NRP1: variants seen among roughly 807,000 people sequenced by gnomAD.
NRP1 encodes the protein neuropilin-1.
NRP1 carries 35 observed loss-of-function variants against 106.7 expected under a neutral mutation model. The observed-to-expected ratio is 0.33, with a 90% confidence interval of 0.25 to 0.43. The LOEUF (loss-of-function observed/expected upper bound fraction) is 0.43. Among genes scored for constraint, NRP1 ranks in the 20% least tolerant of loss-of-function variants. The pLI is 1.00. For missense variants in NRP1, 1,024 were observed against 1,170.4 expected, an observed-to-expected ratio of 0.87 and a Z score of 1.83; for synonymous variants, 437 against 417.9, an observed-to-expected ratio of 1.05 and a Z score of -0.56.
At chr10:33,197,743 GA>G (rs2132661726) in intron 11 of NRP1, 34 bp from the exon 12 acceptor site, 1 of 1,325,216 alleles carries the variant, frequency 7.5e-7, no homozygotes, top group South Asian at 1.3e-5. Flanking sequence ...GCAAAAATAA[GA>G]AAACAGTAGC....
At chr10:33,288,501 A>T (rs551389223) in intron 2 of NRP1, 1 of 152,318 alleles carries the variant, frequency 6.6e-6, no homozygotes, top group South Asian at 2.1e-4. Flanking sequence ...TGGACATCTC[A>T]TCAGCACAGT....
At chr10:33,318,092 A>G (rs543932199) in intron 2 of NRP1, among the ~76,000 whole-genome samples, 2 of 152,160 alleles carry the variant, frequency 1.3e-5, no homozygotes, top group African/African-American at 4.8e-5. Context: ...ACTTCCATCT[A>G]CATTAGCTCA....
chr10:33,215,999 A>G (rs572826099), intron 8 of NRP1, among the ~76,000 whole-genome samples: 10 of 152,178 alleles, frequency 6.6e-5, no homozygotes, highest in Admixed American at 5.9e-4. Flanking sequence ...CTTTTCCATT[A>G]TCTGAACTGC....
chr10:33,247,813 G>A (rs1458504128), intron 6 of NRP1, among the ~76,000 whole-genome samples: 1 of 152,140 alleles, frequency 6.6e-6, no homozygotes, highest in Admixed American at 6.6e-5. Context: ...CTGAGTCTGA[G>A]GAAGGATATC....
In NRP1 at chr10:33,330,762, T is replaced by C. The variant is rs371886197; in HGVS notation, c.194A>G (p.Gln65Arg). 8.0e-5 allele frequency: 129 copies of C among 1,613,756 alleles called. No individual in the cohort carries two copies. The highest frequency in any genetic ancestry group is 1.0e-4 in the Non-Finnish European group (122 of 1,179,864). Reference protein sequence around the residue: ...EWLIQAPDPYQRIMINFNPHF... With the variant: ...EWLIQAPDPYRRIMINFNPHF... The stretch of plus-strand genomic sequence containing the variant: ...AGGGTTGAAGTTGATCATAATTCTC[T>C]GGTATGGGTCCGGAGCCTGAATCAG... The change falls in exon 2 of 17, where the codon CAG becomes CGG. Residue 65 changes from glutamine to arginine, a missense_variant. Around this residue, in one of 5 missense-constraint regions of NRP1, gnomAD observed 279 missense variants for 327.4 expected, o/e 0.85. Transcript: ENST00000374867.
In NRP1 at chr10:33,330,781, G is replaced by C. The variant is rs779741661; in HGVS notation, c.175C>G (p.Gln59Glu). ...HPSEKCEWLI[Q>E]APDPYQRIMI... ...ATTCTCTGGTATGGGTCCGGAGCCT[G>C]AATCAGCCATTCGCATTTTTCACTT... Residue 59 changes from glutamine (Q) to glutamate (E), a missense_variant, in exon 2 of 17, where the codon CAG (glutamine) becomes GAG (glutamate). Physicochemically the swap from Gln to Glu is conservative, Grantham distance 29. Coordinates refer to ENST00000374867, the MANE Select transcript of NRP1 (RefSeq NM_003873.7). 5 of 1,613,906 alleles carry C rather than the reference G, an allele frequency of 3.1e-6. No individual in the cohort carries two copies. In the East Asian group the frequency reaches 1.1e-4, roughly 36 times the overall value.
intron 2 of NRP1, among the ~76,000 whole-genome samples, chr10:33,305,074 T>G (rs2065364): frequency 6.6e-6 from 1 of 152,094 alleles, no homozygotes; most frequent in African/African-American, 2.4e-5. Context: ...AACTACTCCA[T>G]AGCACATGGG....
At chr10:33,280,721 C>A (rs987660678) in intron 2 of NRP1, among the ~76,000 whole-genome samples, 1 of 152,044 alleles carries the variant, frequency 6.6e-6, no homozygotes, top group African/African-American at 2.4e-5. Context: ...GTGGCTCACA[C>A]CTGTAATCCC....
intron 4 of NRP1, among the ~76,000 whole-genome samples, chr10:33,257,987 A>G (rs527592360): frequency 6.6e-6 from 1 of 152,298 alleles, no homozygotes; most frequent in South Asian, 2.1e-4. Context: ...TTAGGTAGAC[A>G]TGTCCCTGGA....
At chr10:33,334,217 C>A in intron 1 of NRP1, 93 bp downstream of exon 1, 2 of 1,173,644 alleles carry the variant, frequency 1.7e-6, no homozygotes, top group Non-Finnish European at 2.4e-6. Context: ...TTGTTCCCGG[C>A]TGATCCCGGG....
chr10:33,324,363 T>A (rs1392706921), intron 2 of NRP1, among the ~76,000 whole-genome samples: 2 of 152,142 alleles, frequency 1.3e-5, no homozygotes, highest in African/African-American at 2.4e-5. Context: ...CCTCTCACAT[T>A]GAGAAGTCAC....
At chr10:33,232,072 T>C (rs1840180524) in intron 6 of NRP1, among the ~76,000 whole-genome samples, 1 of 152,186 alleles carries the variant, frequency 6.6e-6, no homozygotes, top group African/African-American at 2.4e-5. Context: ...CCCATCGTCT[T>C]GGTGGCTTAG....
rs182918800 is a variant in NRP1, at chr10:33,246,854, T to A, written c.981+7174A>T. Among the ~76,000 whole-genome samples the A allele has an allele frequency of 2.4e-3, 362 of 152,300 alleles. 2 individuals carry two copies. The highest frequency in any genetic ancestry group is 0.02 in the Middle Eastern group (6 of 294). On this transcript the variant is annotated intron_variant, in intron 6 of 16. Coordinates refer to ENST00000374867, the MANE Select transcript of NRP1 (RefSeq NM_003873.7). ...AGGCACAGAGTGTTTACAATCAGGA[T>A]AACCTGGTCCTATGTATGCTCTGGA...
chr10:33,320,058 A>T (rs375418857), intron 2 of NRP1, among the ~76,000 whole-genome samples: 6 of 150,328 alleles, frequency 4.0e-5, no homozygotes, highest in African/African-American at 1.5e-4. Context: ...CACGCCTGTA[A>T]TCCCAGCACT....
intron 4 of NRP1, among the ~76,000 whole-genome samples, chr10:33,259,345 A>G (rs553885855): frequency 5.9e-5 from 9 of 152,304 alleles, no homozygotes; most frequent in African/African-American, 1.9e-4. Flanking sequence ...TTTTTCGACT[A>G]TAATACAAAG....
intron 2 of NRP1, among the ~76,000 whole-genome samples, chr10:33,282,793 T>G (rs986496879): frequency 2.6e-5 from 4 of 151,902 alleles, no homozygotes; most frequent in African/African-American, 9.7e-5. Context: ...TCACCCAGGG[T>G]GGAATGCAGT....
At chr10:33,330,947 T>C (rs1848242001) in intron 1 of NRP1, 65 bp from the exon 2 acceptor site, 15 of 1,348,328 alleles carry the variant, frequency 1.1e-5, no homozygotes, top group Non-Finnish European at 1.4e-5. Flanking sequence ...TAGCTTTATA[T>C]GTAAATTACT....
chr10:33,295,536 T>C (rs909684541), intron 2 of NRP1, among the ~76,000 whole-genome samples: 3 of 152,148 alleles, frequency 2.0e-5, no homozygotes, highest in Non-Finnish European at 4.4e-5. Flanking sequence ...AGCCAGATCC[T>C]GTCTCTACAA....
At chr10:33,253,358 G>T (rs745620645) in intron 6 of NRP1, among the ~76,000 whole-genome samples, 1 of 152,184 alleles carries the variant, frequency 6.6e-6, no homozygotes. Flanking sequence ...GTGGGGATAT[G>T]TAAGTGACAG....
Sources: allele counts gnomAD v4.1 joint callset (sites outside exome capture counted in the v4.1 genomes callset), GRCh38; gene constraint gnomAD v4.1.1; regional missense constraint gnomAD v4.1.1; transcripts MANE v1.5; gene names NCBI Gene and HGNC (gene_info 2026-07-23, HGNC 2026-07-21).